Variants in PDE1C observed in about 807,000 individuals in gnomAD.
The protein encoded by PDE1C is dual specificity calcium/calmodulin-dependent 3',5'-cyclic nucleotide phosphodiesterase 1C.
Under a neutral mutation model 93.1 loss-of-function variants are expected in PDE1C, and 62 were observed. The ratio of observed to expected loss-of-function variants is 0.67; its 90% CI spans 0.54 to 0.82. The LOEUF (loss-of-function observed/expected upper bound fraction) is 0.82. PDE1C is among the 40% of genes least tolerant of loss of function. The pLI is 0.00. For synonymous variants in PDE1C, 325 were observed against 310.1 expected (o/e 1.05, Z -0.50); for missense variants, 742 against 884.6 (o/e 0.84, Z 2.04).
intron 2 of PDE1C, among the ~76,000 whole-genome samples, chr7:31,965,438 C>T (rs1299600356): frequency 1.3e-5 from 2 of 152,122 alleles, no homozygotes; most frequent in Non-Finnish European, 2.9e-5. Flanking sequence ...AACAAAGCCT[C>T]CAAGAAATAT....
rs943757866 is a variant in PDE1C at position 31,751,509 on chromosome 7, C to T, written c.*1875G>A. ...AGGCTACTACTCCCATGGGCCTCCT[C>T]AGTGTGTAGCCAAATGACTTTGTAC... On this transcript the variant is annotated 3_prime_UTR_variant, in exon 18 of 18. Transcript: ENST00000396191. 2 of 152,160 alleles carry T rather than the reference C, an allele frequency of 1.3e-5. No homozygotes were observed. Among genetic ancestry groups the T allele is most frequent in the Non-Finnish European group, 2.9e-5 (2 of 68,030 alleles). 9.4% of individuals were successfully genotyped at this position (152,160 alleles called of 1,614,324 possible).
At chr7:31,742,442 C>T in the PDE1C span, among the ~76,000 whole-genome samples, 1 of 152,162 alleles carries the variant, frequency 6.6e-6, no homozygotes, top group African/African-American at 2.4e-5. Context: ...GTGGTGCACA[C>T]CTGAAGTCCC....
chr7:32,050,606 C>A (rs779617352), intron 2 of PDE1C, among the ~76,000 whole-genome samples: 1 of 151,864 alleles, frequency 6.6e-6, no homozygotes, highest in Non-Finnish European at 1.5e-5. Flanking sequence ...GAAAAAATAT[C>A]ATACACTTTA....
At chr7:32,403,685 T>C (rs1455431938) in intron 1 of PDE1C, among the ~76,000 whole-genome samples, 2 of 152,184 alleles carry the variant, frequency 1.3e-5, no homozygotes, top group African/African-American at 4.8e-5. Flanking sequence ...TGATTCAATT[T>C]GATTCAATTC....
At chr7:32,415,631 C>T (rs892088160) in intron 1 of PDE1C, among the ~76,000 whole-genome samples, 3 of 151,996 alleles carry the variant, frequency 2.0e-5, no homozygotes, top group Non-Finnish European at 2.9e-5. Context: ...TTCTCTTACC[C>T]TCCTCCCTTT....
intron 17 of PDE1C, among the ~76,000 whole-genome samples, chr7:31,759,729 T>G (rs964449163): frequency 2.0e-5 from 3 of 152,236 alleles, no homozygotes; most frequent in Non-Finnish European, 4.4e-5. Context: ...TGTTTGATTT[T>G]CATAAAAGCA....
At chr7:31,627,009 G>A in the PDE1C span, among the ~76,000 whole-genome samples, 4 of 152,222 alleles carry the variant, frequency 2.6e-5, no homozygotes, top group African/African-American at 9.7e-5. Flanking sequence ...AATTATGTAT[G>A]TCTAAAACAC....
chr7:31,925,552 T>A (rs547889963), intron 2 of PDE1C, among the ~76,000 whole-genome samples: 2 of 152,324 alleles, frequency 1.3e-5, no homozygotes, highest in African/African-American at 4.8e-5. Context: ...TATATTTATA[T>A]GTTCACATAA....
chr7:31,925,941 C>T (rs896392942), intron 2 of PDE1C, among the ~76,000 whole-genome samples: 1 of 152,148 alleles, frequency 6.6e-6, no homozygotes, highest in Non-Finnish European at 1.5e-5. Flanking sequence ...CATATGTGCA[C>T]ACTCCATGTC....
chr7:32,363,074 C>G (rs1445150573), intron 1 of PDE1C, among the ~76,000 whole-genome samples: 1 of 152,226 alleles, frequency 6.6e-6, no homozygotes, highest in Non-Finnish European at 1.5e-5. Flanking sequence ...CGTTCAGCTT[C>G]CTTTATAAAT....
chr7:32,219,274 C>A (rs1806661416), intron 1 of PDE1C, among the ~76,000 whole-genome samples: 1 of 151,958 alleles, frequency 6.6e-6, no homozygotes, highest in Admixed American at 6.6e-5. Context: ...TGGAGTCTGC[C>A]CAGGGAGAGG....
intron 1 of PDE1C, among the ~76,000 whole-genome samples, chr7:32,304,341 C>A (rs770283797): frequency 6.6e-6 from 1 of 152,194 alleles, no homozygotes; most frequent in Non-Finnish European, 1.5e-5. Context: ...TCGGCCCTGG[C>A]ACAGAGTAAG....
At chr7:31,642,284 G>A in the PDE1C span, 1 of 1,474,104 alleles carries the variant, frequency 6.8e-7, no homozygotes, top group Non-Finnish European at 9.2e-7. Flanking sequence ...ACAGGGCCCT[G>A]TTGCTCATCC....
chr7:32,411,751 T>C (rs971613908), intron 1 of PDE1C, among the ~76,000 whole-genome samples: 2 of 152,124 alleles, frequency 1.3e-5, no homozygotes, highest in African/African-American at 4.8e-5. Flanking sequence ...CTTTATAGAC[T>C]TTTTAAGTGT....
At chr7:32,251,629 C>CA (rs1809386773) in intron 1 of PDE1C, among the ~76,000 whole-genome samples, 4 of 152,186 alleles carry the variant, frequency 2.6e-5, no homozygotes, top group Admixed American at 2.6e-4. Context: ...CCTGCCCCCT[C>CA]ACACAACCCC....
chr7:32,113,754 G>A (rs1165421306), intron 3 of PDE1C, among the ~76,000 whole-genome samples: 3 of 152,002 alleles, frequency 2.0e-5, no homozygotes, highest in Admixed American at 6.6e-5. Context: ...AATTTGCAAA[G>A]TTGAGCTTAT....
chr7:31,716,405 ACC>A, the PDE1C span, among the ~76,000 whole-genome samples: 1 of 152,186 alleles, frequency 6.6e-6, no homozygotes. Context: ...GTCAGCTATT[ACC>A]ATGATTTAGT....
chr7:32,224,125 C>T (rs773915935), intron 1 of PDE1C, among the ~76,000 whole-genome samples: 6 of 152,206 alleles, frequency 3.9e-5, no homozygotes, highest in East Asian at 3.8e-4. Context: ...GTAATCCTAG[C>T]ACTTTGGGAG....
intron 3 of PDE1C, among the ~76,000 whole-genome samples, chr7:32,121,972 A>G (rs535483260): frequency 6.6e-6 from 1 of 152,360 alleles, no homozygotes; most frequent in African/African-American, 2.4e-5. Flanking sequence ...TATTCAAGAG[A>G]CCCATTTCAT....
Sources: allele counts gnomAD v4.1 joint callset (sites outside exome capture counted in the v4.1 genomes callset), GRCh38; gene constraint gnomAD v4.1.1; transcripts MANE v1.5; gene names NCBI Gene and HGNC (gene_info 2026-07-23, HGNC 2026-07-21).